The following RBFOX1 variants were observed in gnomAD, a reference collection of about 807,000 sequenced individuals.
The protein encoded by RBFOX1 is RNA binding protein fox-1 homolog 1.
A neutral mutation model predicts 57.7 loss-of-function variants in RBFOX1; 8 were observed. The observed-to-expected ratio is 0.14, with a 90% confidence interval of 0.08 to 0.25. The LOEUF (loss-of-function observed/expected upper bound fraction) is 0.25. Ranked by LOEUF, RBFOX1 falls within the 10% of genes least tolerant of loss-of-function variation. The pLI, the probability that RBFOX1 is intolerant of heterozygous loss-of-function variation, is 1.00. For synonymous variants in RBFOX1, 326 were observed against 222.4 expected (o/e 1.47, Z -4.15); for missense variants, 611 against 548.5 (o/e 1.11, Z -1.14).
intron 3 of RBFOX1, among the ~76,000 whole-genome samples, chr16:6,912,365 G>C (rs896614771): frequency 1.3e-5 from 2 of 150,662 alleles, no homozygotes; most frequent in Admixed American, 1.3e-4. Flanking sequence ...CAGGTGATGT[G>C]GATCTCGGAG....
chr16:6,395,443 T>C (rs1172144148), intron 2 of RBFOX1, among the ~76,000 whole-genome samples: 2 of 152,316 alleles, frequency 1.3e-5, no homozygotes, highest in East Asian at 3.9e-4. Flanking sequence ...TTTTAATGGC[T>C]CTGTAACTTT....
chr16:5,339,577 G>A (rs1418445547), intron 1 of RBFOX1, among the ~76,000 whole-genome samples: 2 of 140,278 alleles, frequency 1.4e-5, no homozygotes, highest in Admixed American at 1.6e-4. Context: ...TCAACTCTCG[G>A]GTTCAGGTGA....
At chr16:7,197,431 CTG>C (rs1281877792) in intron 4 of RBFOX1, among the ~76,000 whole-genome samples, 2 of 127,928 alleles carry the variant, frequency 1.6e-5, no homozygotes, top group Admixed American at 1.6e-4. Context: ...GCCTAAAAAC[CTG>C]TGAGTGGAAA....
intron 3 of RBFOX1, among the ~76,000 whole-genome samples, chr16:7,051,019 A>G (rs2049888179): frequency 6.6e-6 from 1 of 152,204 alleles, no homozygotes; most frequent in South Asian, 2.1e-4. Flanking sequence ...AATGCGTAAA[A>G]TATACATCAA....
chr16:6,984,104 G>A (rs532039582), intron 3 of RBFOX1, among the ~76,000 whole-genome samples: 3 of 152,202 alleles, frequency 2.0e-5, no homozygotes, highest in East Asian at 1.9e-4. Flanking sequence ...GAAATTAGCC[G>A]AGTATGATGG....
At chr16:5,530,931 TATAAAAAAAAAAAAAAAAAAAAAA>T (rs2044444351) in intron 2 of RBFOX1, among the ~76,000 whole-genome samples, 2 of 88,114 alleles carry the variant, frequency 2.3e-5, no homozygotes, top group African/African-American at 6.8e-5. Flanking sequence ...CTACTAAAAA[TATAAAAAAAAAAAAAAAAAAAAAA>T]AAAAAAAAAA....
chr16:7,639,918 A>C (rs777608573), intron 11 of RBFOX1, among the ~76,000 whole-genome samples: 3 of 152,170 alleles, frequency 2.0e-5, no homozygotes, highest in Non-Finnish European at 4.4e-5. Flanking sequence ...TTGCAGAATT[A>C]TCCAGCTACC....
intron 4 of RBFOX1, among the ~76,000 whole-genome samples, chr16:5,922,301 T>C (rs1254102016): frequency 6.6e-6 from 1 of 152,150 alleles, no homozygotes; most frequent in East Asian, 1.9e-4. Flanking sequence ...AACACTGGGA[T>C]CACATTTTGA....
intron 11 of RBFOX1, among the ~76,000 whole-genome samples, chr16:7,640,838 G>C (rs1276981196): frequency 2.6e-5 from 4 of 151,502 alleles, no homozygotes; most frequent in African/African-American, 9.7e-5. Flanking sequence ...GGCTTATTTT[G>C]AGAGTTTATT....
intron 2 of RBFOX1, among the ~76,000 whole-genome samples, chr16:6,456,572 T>C (rs967801594): frequency 4.6e-5 from 7 of 152,182 alleles, no homozygotes; most frequent in South Asian, 2.1e-4. Flanking sequence ...TTGGGAACCA[T>C]TGAAGTGGAT....
At chr16:6,105,689 T>A (rs34013630) in intron 1 of RBFOX1, among the ~76,000 whole-genome samples, 7,472 of 141,224 alleles carry the variant, frequency 0.053, 346 homozygotes, top group East Asian at 0.22. Flanking sequence ...AAAAAAAATA[T>A]ATATATATAT....
chr16:6,904,035 G>T (rs373001969), intron 3 of RBFOX1, among the ~76,000 whole-genome samples: 3 of 152,102 alleles, frequency 2.0e-5, no homozygotes, highest in Admixed American at 6.5e-5. Flanking sequence ...CCCCACCTGA[G>T]GTCATACAGA....
chr16:7,079,436 A>G (rs1428513392), intron 4 of RBFOX1, among the ~76,000 whole-genome samples: 4 of 152,206 alleles, frequency 2.6e-5, no homozygotes, highest in Non-Finnish European at 4.4e-5. Context: ...ACCACAGTTT[A>G]CACTGTGTAC....
intron 1 of RBFOX1, among the ~76,000 whole-genome samples, chr16:5,409,041 G>A (rs2066940787): frequency 6.6e-6 from 1 of 152,254 alleles, no homozygotes. Context: ...GCTATCTCAC[G>A]CTGTTGGAAT....
chr16:6,096,898 C>G (rs1436531094), intron 1 of RBFOX1, among the ~76,000 whole-genome samples: 2 of 152,186 alleles, frequency 1.3e-5, no homozygotes, highest in South Asian at 2.1e-4. Context: ...TTCCTCAGAC[C>G]TACTGAACCA....
intron 3 of RBFOX1, among the ~76,000 whole-genome samples, chr16:5,787,451 C>G (rs1287334075): frequency 6.6e-6 from 1 of 152,214 alleles, no homozygotes; most frequent in Non-Finnish European, 1.5e-5. Flanking sequence ...AATAAAGTCA[C>G]TGTAGTTTGC....
At chr16:6,034,222 C>G (rs1270716376) in intron 1 of RBFOX1, among the ~76,000 whole-genome samples, 1 of 146,102 alleles carries the variant, frequency 6.8e-6, no homozygotes, top group Non-Finnish European at 1.5e-5. Flanking sequence ...GTAATCCCAG[C>G]TACTTGGGAG....
intron 4 of RBFOX1, among the ~76,000 whole-genome samples, chr16:7,168,445 C>T (rs897341246): frequency 6.6e-6 from 1 of 152,132 alleles, no homozygotes. Context: ...CATGTGAATT[C>T]GTGAACCTCA....
chr16:7,045,808 A>C (rs934475795), intron 3 of RBFOX1, among the ~76,000 whole-genome samples: 1 of 151,844 alleles, frequency 6.6e-6, no homozygotes, highest in African/African-American at 2.4e-5. Context: ...GGCGCATTCC[A>C]CCACGTGTGG....
Sources: gnomAD v4.1 joint callset for allele counts (sites outside exome capture counted in the v4.1 genomes callset) on GRCh38, gnomAD v4.1.1 for gene constraint, MANE v1.5 for transcripts, NCBI Gene and HGNC (gene_info 2026-07-23, HGNC 2026-07-21) for gene names.